Variants in CHD9 observed in about 807,000 individuals in gnomAD.
CHD9 encodes ATP-dependent chromatin remodeler CHD9.
CHD9 carries 77 observed loss-of-function variants against 316.1 expected under a neutral mutation model. The observed-to-expected ratio is 0.24, with a 90% confidence interval of 0.20 to 0.29. The LOEUF (loss-of-function observed/expected upper bound fraction) is 0.29. Ranked by LOEUF, CHD9 falls within the 10% of genes least tolerant of loss-of-function variation. CHD9 has a pLI of 1.00. For synonymous variants in CHD9, 1,129 were observed against 1,158.3 expected, an observed-to-expected ratio of 0.97 and a Z score of 0.51; for missense variants, 2,763 against 3,438.1, an observed-to-expected ratio of 0.80 and a Z score of 4.91.
At chr16:53,273,294 T>C (rs1367570786) in intron 22 of CHD9, among the ~76,000 whole-genome samples, 2 of 152,170 alleles carry the variant, frequency 1.3e-5, no homozygotes, top group African/African-American at 4.8e-5. Flanking sequence ...AAAACATATC[T>C]TTTAGTATCT....
At chr16:53,091,907 T>C (rs1108574) in intron 1 of CHD9, among the ~76,000 whole-genome samples, 64,508 of 151,886 alleles carry the variant, frequency 0.42, 14,539 homozygotes, top group East Asian at 0.6. Context: ...AGCTTCCTCC[T>C]TTCCTTTTCT....
rs541841822 is a variant in CHD9, at chr16:53,190,241, A to G, written c.1453-19241A>G. 2.8e-3 allele frequency among the ~76,000 whole-genome samples: 424 copies of G among 152,266 alleles called. 1 individual carries two copies. The highest frequency in any genetic ancestry group is 4.9e-3 in the Non-Finnish European group (331 of 67,974). On this transcript the variant is annotated intron_variant, in intron 2 of 38. Coordinates refer to ENST00000447540, the MANE Select transcript of CHD9 (RefSeq NM_001308319.2). ...GGAGACAAACCTAATTTCTTTCTCAATTAAAAACGTTTTATACTAGAAGAA... is the reference window on the plus strand; with the variant it reads ...GGAGACAAACCTAATTTCTTTCTCAGTTAAAAACGTTTTATACTAGAAGAA...
chr16:53,153,830 G>A lies in CHD9; in HGVS notation c.-164-2096G>A, dbSNP rs560022394. On this transcript the variant is annotated intron_variant, in intron 1 of 38. Transcript: ENST00000447540. ...GCTGGGATTATAGGTGTGAGCCACT[G>A]CACCTTGCCAATTTCCAGATTTATT... Among the ~76,000 whole-genome samples, 51 of 152,262 alleles carry A rather than the reference G, an allele frequency of 3.3e-4. 1 individual carries two copies. In the South Asian group the frequency reaches 4.8e-3, roughly 14 times the overall value.
intron 2 of CHD9, among the ~76,000 whole-genome samples, chr16:53,204,046 AAAATAT>A (rs1257437166): frequency 1.0e-4 from 9 of 89,912 alleles, no homozygotes; most frequent in East Asian, 6.3e-4. Context: ...AAAAAAAAAA[AAAATAT>A]ATATATACAC....
At chr16:53,215,269 T>G (rs1365741548) in intron 3 of CHD9, among the ~76,000 whole-genome samples, 1 of 152,218 alleles carries the variant, frequency 6.6e-6, no homozygotes, top group Non-Finnish European at 1.5e-5. Context: ...ATTGGCTGAT[T>G]AATACGTAGC....
At position 53,231,751 on chromosome 16, in the gene CHD9, A is replaced by G. The variant is rs763718844; in HGVS notation, c.2478A>G (p.Gln826=). 9.3e-6 allele frequency: 15 copies of G among 1,611,470 alleles called. No individual in the cohort carries two copies. In the Admixed American group the frequency reaches 1.2e-4, roughly 13 times the overall value. Residue 826 remains glutamine (Q), a synonymous_variant, in exon 10 of 39, where the codon CAA becomes CAG. Coordinates refer to ENST00000447540, the MANE Select transcript of CHD9 (RefSeq NM_001308319.2). ...VDLAKIEEFE[Q]LQASRPDTRR... ...TTGCAAAAATAGAAGAGTTTGAACA[A>G]CTGCAAGCTTCAAGGCCTGACACAA... is the stretch of plus-strand genomic sequence containing the variant.
At chr16:53,206,458 T>A (rs1329984700) in intron 2 of CHD9, among the ~76,000 whole-genome samples, 1 of 152,140 alleles carries the variant, frequency 6.6e-6, no homozygotes, top group Non-Finnish European at 1.5e-5. Flanking sequence ...CTCTGTAAAT[T>A]ATGATAGTTG....
chr16:53,099,639 CCTCCTCCGGA>C, intron 1 of CHD9, among the ~76,000 whole-genome samples: 1 of 152,342 alleles, frequency 6.6e-6, no homozygotes, highest in Non-Finnish European at 1.5e-5. Context: ...CTGACCTCTT[CCTCCTCCGGA>C]CTCCTCCGGG....
At position 53,231,629 on chromosome 16, in the gene CHD9, GA is replaced by G; in HGVS notation, c.2374-12del. 6.5e-7 allele frequency: 1 copy of G among 1,544,798 alleles called. No individual in the cohort carries two copies. The highest frequency in any genetic ancestry group is 8.8e-7 in the Non-Finnish European group (1 of 1,140,338). On this transcript the variant is annotated splice_polypyrimidine_tract_variant and intron_variant, in intron 9 of 38. Coordinates refer to ENST00000447540, the MANE Select transcript of CHD9 (RefSeq NM_001308319.2). ...TAGTGTCTTTTTCAAAATGGTAAAT[GA>G]AAAAATTTTTTTACAGCCTGTTATT...
chr16:53,066,064 A>G (rs571426520), intron 1 of CHD9, among the ~76,000 whole-genome samples: 1 of 152,280 alleles, frequency 6.6e-6, no homozygotes, highest in Admixed American at 6.5e-5. Context: ...TCTTGCAATC[A>G]ACAGGCAATT....
At chr16:53,250,633 A>G (rs1056905809) in intron 17 of CHD9, 20 of 152,200 alleles carry the variant, frequency 1.3e-4, no homozygotes, top group African/African-American at 4.6e-4. Flanking sequence ...CTTTTTTAAT[A>G]AAATAGAAAA....
At chr16:53,236,614 T>TCCCCCCCCCCCCCCCCCCC (rs142851227) in intron 11 of CHD9, among the ~76,000 whole-genome samples, 1 of 143,068 alleles carries the variant, frequency 7.0e-6, no homozygotes, top group Non-Finnish European at 1.5e-5. Flanking sequence ...GTCTCCCCAT[T>TCCCCCCCCCCCCCCCCCCC]CCCCCCCACC....
intron 17 of CHD9, among the ~76,000 whole-genome samples, chr16:53,253,156 C>T (rs2050267253): frequency 6.6e-6 from 1 of 151,978 alleles, no homozygotes; most frequent in Admixed American, 6.6e-5. Context: ...CCCAAATGCC[C>T]ATCAATCAAT....
intron 1 of CHD9, among the ~76,000 whole-genome samples, chr16:53,098,493 G>T (rs12919730): frequency 2.2e-5 from 3 of 138,756 alleles, no homozygotes; most frequent in Non-Finnish European, 4.7e-5. Context: ...AAAAAAAAAA[G>T]AAAGAAAGAA....
At chr16:53,146,322 G>A (rs2040575988) in intron 1 of CHD9, among the ~76,000 whole-genome samples, 1 of 146,978 alleles carries the variant, frequency 6.8e-6, no homozygotes, top group Non-Finnish European at 1.5e-5. Flanking sequence ...GAACCCGGGA[G>A]GCAGAGGTTG....
chr16:53,088,385 C>T (rs2035657104), intron 1 of CHD9, among the ~76,000 whole-genome samples: 1 of 148,478 alleles, frequency 6.7e-6, no homozygotes. Context: ...TCATGCCATT[C>T]TCCTGCCTTA....
chr16:53,210,998 T>C (rs531303162), intron 3 of CHD9, among the ~76,000 whole-genome samples: 5 of 152,098 alleles, frequency 3.3e-5, no homozygotes, highest in Non-Finnish European at 5.9e-5. Context: ...AAGTAACTTA[T>C]TTTTCCAAAG....
intron 1 of CHD9, among the ~76,000 whole-genome samples, chr16:53,059,702 G>T (rs1567299372): frequency 6.6e-6 from 1 of 152,190 alleles, no homozygotes; most frequent in Non-Finnish European, 1.5e-5. Flanking sequence ...ACCGTGAACA[G>T]GCATCAGCAA....
At chr16:53,066,646 T>A (rs542981933) in intron 1 of CHD9, among the ~76,000 whole-genome samples, 6 of 151,536 alleles carry the variant, frequency 4.0e-5, no homozygotes, top group Admixed American at 3.9e-4. Flanking sequence ...CCTCAGGGAG[T>A]CTGGGAGGAG....
Sources: allele counts gnomAD v4.1 joint callset (sites outside exome capture counted in the v4.1 genomes callset), GRCh38; gene constraint gnomAD v4.1.1; transcripts MANE v1.5; gene names NCBI Gene and HGNC (gene_info 2026-07-23, HGNC 2026-07-21).